Variants in UGT3A2 observed in about 807,000 individuals in gnomAD.
UGT3A2 encodes UDP-glycosyltransferase 3A2.
UGT3A2 carries 32 observed loss-of-function variants against 39.8 expected under a neutral mutation model. The observed-to-expected ratio is 0.80, with a 90% CI of 0.61 to 1.08. The LOEUF (loss-of-function observed/expected upper bound fraction) is 1.08. Among genes scored for constraint, UGT3A2 ranks in the 50% least tolerant of loss-of-function variants. UGT3A2 has a pLI of 0.00. For synonymous variants in UGT3A2, 241 were observed against 230.7 expected (o/e 1.04, Z -0.40); for missense variants, 611 against 637.1 (o/e 0.96, Z 0.44).
chr5:36,044,147 A>C lies in UGT3A2; in HGVS notation c.844-4439T>G, dbSNP rs189942094. 6.3e-4 allele frequency among the ~76,000 whole-genome samples: 96 copies of C among 152,270 alleles called. 1 individual carries two copies. In the East Asian group the frequency reaches 0.015, roughly 24 times the overall value. On this transcript the variant is annotated intron_variant, in intron 4 of 6. Coordinates refer to ENST00000282507, the MANE Select transcript of UGT3A2 (RefSeq NM_174914.4). ...TTAAAAAGATCATTCATCATGAGCAAGTGGGATTTATCTGAGGGACTGAAG... is the reference window on the plus strand; with the variant it reads ...TTAAAAAGATCATTCATCATGAGCACGTGGGATTTATCTGAGGGACTGAAG...
At chr5:36,050,862 C>CA (rs34970074) in intron 3 of UGT3A2, among the ~76,000 whole-genome samples, 67,127 of 138,638 alleles carry the variant, frequency 0.48, 15,516 homozygotes, top group Non-Finnish European at 0.52. Context: ...AACTCCGTCT[C>CA]AAAAAAAAAA....
At position 36,049,232 on chromosome 5, in the gene UGT3A2, G is replaced by A; in HGVS notation, c.500C>T (p.Ser167Phe). 1 of 1,614,176 alleles carries A rather than the reference G, an allele frequency of 6.2e-7. No homozygotes were observed. Among genetic ancestry groups the A allele is most frequent in the Non-Finnish European group, 8.5e-7 (1 of 1,180,032 alleles). ...KLGKPFVAIL[S>F]TSFGSLEFGL... ...AAATTCCAAAGAGCCGAATGAAGTG[G>A]AAAGAATGGCCACAAATGGCTTCCC... The change falls in exon 4 of 7, where the codon TCC (serine) becomes TTC (phenylalanine). Residue 167 changes from serine (S) to phenylalanine (F), a missense_variant. Coordinates refer to ENST00000282507, the MANE Select transcript of UGT3A2 (RefSeq NM_174914.4).
chr5:36,060,288 T>C (rs1361138692), intron 2 of UGT3A2, among the ~76,000 whole-genome samples: 1 of 152,104 alleles, frequency 6.6e-6, no homozygotes, highest in Non-Finnish European at 1.5e-5. Context: ...AGAGTGAGGG[T>C]TGTGATCAAC....
chr5:36,041,937 A>C (rs1006846452), intron 4 of UGT3A2, among the ~76,000 whole-genome samples: 2 of 152,182 alleles, frequency 1.3e-5, no homozygotes, highest in African/African-American at 4.8e-5. Flanking sequence ...TCCTGGAGAC[A>C]CAGAAAAATG....
intron 2 of UGT3A2, among the ~76,000 whole-genome samples, chr5:36,062,927 G>A (rs1035734855): frequency 1.3e-5 from 2 of 152,028 alleles, no homozygotes; most frequent in African/African-American, 4.8e-5. Context: ...TGTAATGTCA[G>A]CTACTCAGGA....
intron 2 of UGT3A2, among the ~76,000 whole-genome samples, chr5:36,053,927 CT>C (rs1742427002): frequency 6.6e-6 from 1 of 152,172 alleles, no homozygotes; most frequent in African/African-American, 2.4e-5. Flanking sequence ...ATCTTCTTTC[CT>C]TTATAACAGG....
chr5:36,056,520 A>T (rs1742518251), intron 2 of UGT3A2, among the ~76,000 whole-genome samples: 1 of 152,202 alleles, frequency 6.6e-6, no homozygotes, highest in African/African-American at 2.4e-5. Flanking sequence ...TTGTTGCGTT[A>T]TGTGGGTGTT....
chr5:36,039,885 G>T (rs1741953583), intron 4 of UGT3A2, among the ~76,000 whole-genome samples, 177 bp from the exon 5 acceptor site: 1 of 152,126 alleles, frequency 6.6e-6, no homozygotes, highest in Non-Finnish European at 1.5e-5. Context: ...TGTCCTTTGT[G>T]TTGGTGGGAA....
chr5:36,037,969 T>C lies in UGT3A2; in HGVS notation c.1123A>G (p.Ile375Val). ...ACACCATGCTGGATGGCCTCCATTA[T>C]GCTATTCTGCCCGCCGTGGGTGACA... ...LFVTHGGQNS[I>V]MEAIQHGVPM... is the part of the protein sequence containing the mutation. The change falls in exon 6 of 7, where the codon ATA (isoleucine) becomes GTA (valine). Residue 375 changes from isoleucine (I) to valine (V), a missense_variant. Transcript: ENST00000282507. The C allele has an allele frequency of 6.2e-7, 1 of 1,613,452 alleles. No homozygotes were observed. Among genetic ancestry groups the C allele is most frequent in the East Asian group, 2.2e-5 (1 of 44,874 alleles).
At chr5:36,037,735 A>T in intron 6 of UGT3A2, 62 bp downstream of exon 6, 1 of 1,567,116 alleles carries the variant, frequency 6.4e-7, no homozygotes, top group Non-Finnish European at 8.7e-7. Context: ...AGACTCCCAT[A>T]GTGCCCTTAG....
intron 4 of UGT3A2, among the ~76,000 whole-genome samples, chr5:36,044,484 A>G (rs955909691): frequency 2.6e-5 from 4 of 152,172 alleles, no homozygotes; most frequent in African/African-American, 9.7e-5. Flanking sequence ...AGCTAGAGCA[A>G]TCAGAAAAGA....
chr5:36,040,296 A>G (rs1741966219), intron 4 of UGT3A2, among the ~76,000 whole-genome samples: 1 of 152,200 alleles, frequency 6.6e-6, no homozygotes, highest in Non-Finnish European at 1.5e-5. Context: ...AAAAGCAGCA[A>G]TGCCATAGGG....
At chr5:36,056,242 AC>A (rs547830672) in intron 2 of UGT3A2, among the ~76,000 whole-genome samples, 26 of 152,228 alleles carry the variant, frequency 1.7e-4, no homozygotes, top group Non-Finnish European at 2.1e-4. Context: ...ATAGAGAGGT[AC>A]TGGGTGGAAT....
intron 5 of UGT3A2, among the ~76,000 whole-genome samples, chr5:36,038,597 C>T (rs186423066): frequency 2.9e-3 from 448 of 152,292 alleles, no homozygotes; most frequent in African/African-American, 1.0e-2. Flanking sequence ...TCCATGCCAG[C>T]GTTACTTAGA....
intron 3 of UGT3A2, among the ~76,000 whole-genome samples, chr5:36,049,657 A>G (rs1363269615): frequency 6.6e-6 from 1 of 151,954 alleles, no homozygotes; most frequent in Non-Finnish European, 1.5e-5. Flanking sequence ...CCAAATCCCA[A>G]CCACCATCAA....
At chr5:36,041,849 T>G (rs949565772) in intron 4 of UGT3A2, among the ~76,000 whole-genome samples, 1 of 152,108 alleles carries the variant, frequency 6.6e-6, no homozygotes, top group Non-Finnish European at 1.5e-5. Flanking sequence ...CAGACATTGA[T>G]GAACAAGTTA....
intron 4 of UGT3A2, among the ~76,000 whole-genome samples, chr5:36,048,363 A>G (rs1438039926): frequency 6.6e-6 from 1 of 152,166 alleles, no homozygotes; most frequent in Non-Finnish European, 1.5e-5. Context: ...CCCCAGAGAA[A>G]TCAAGCCAGA....
intron 2 of UGT3A2, among the ~76,000 whole-genome samples, chr5:36,052,898 G>C (rs651440): frequency 6.6e-6 from 1 of 152,040 alleles, no homozygotes; most frequent in Non-Finnish European, 1.5e-5. Context: ...CAAGCTAATT[G>C]AAATGAAAGA....
intron 4 of UGT3A2, among the ~76,000 whole-genome samples, chr5:36,041,398 A>T (rs1742001718): frequency 6.6e-6 from 1 of 152,180 alleles, no homozygotes; most frequent in Non-Finnish European, 1.5e-5. Flanking sequence ...ATCAGCAGTA[A>T]CCAGACAATA....
Sources: gnomAD v4.1 joint callset for allele counts (sites outside exome capture counted in the v4.1 genomes callset) on GRCh38, gnomAD v4.1.1 for gene constraint, MANE v1.5 for transcripts, NCBI Gene and HGNC (gene_info 2026-07-23, HGNC 2026-07-21) for gene names.